PARD3B: variants seen among roughly 807,000 people sequenced by gnomAD.
PARD3B encodes the protein partitioning defective 3 homolog B.
A neutral mutation model predicts 130.2 loss-of-function variants in PARD3B; 103 were observed. The ratio of observed to expected loss-of-function variants is 0.79; its 90% CI spans 0.67 to 0.93. The LOEUF is 0.93. Ranked by LOEUF, PARD3B falls within the 40% of genes least tolerant of loss-of-function variation. PARD3B has a pLI of 0.00. For synonymous variants in PARD3B, 583 were observed against 553.2 expected, an observed-to-expected ratio of 1.05 and a Z score of -0.76; for missense variants, 1,609 against 1,499.2, an observed-to-expected ratio of 1.07 and a Z score of -1.21.
intron 1 of PARD3B, among the ~76,000 whole-genome samples, chr2:204,641,019 T>C (rs1369037495): frequency 1.4e-5 from 2 of 148,020 alleles, no homozygotes; most frequent in Non-Finnish European, 3.0e-5. Flanking sequence ...TGAAAGTATG[T>C]ATATATTTAC....
chr2:205,253,389 A>G lies in PARD3B; in HGVS notation c.2185+7567A>G, dbSNP rs1306681420. The G allele has an allele frequency of 3.5e-6, 2 of 568,078 alleles. No homozygotes were observed. Among genetic ancestry groups the G allele is most frequent in the Non-Finnish European group, 7.1e-6 (2 of 282,248 alleles). 35.2% of individuals were successfully genotyped at this position (568,078 alleles called of 1,614,324 possible). A position where few individuals can be genotyped will look rare whatever the true frequency, so the allele number is the denominator to read the frequency against. ...ACTGTGGGTCAGTGCTGACACACCC[A>G]TGGCCATACGTTTGGTCTTCTTGGC... On this transcript the variant is annotated intron_variant, in intron 16 of 22. Transcript: ENST00000406610. This position sits in a 1 kb window ranked among gnomAD's most constrained non-coding sequence, Gnocchi z 4.4.
rs993852320 is a variant in PARD3B, at chr2:205,617,162, A to G, written c.*1349A>G. On this transcript the variant is annotated 3_prime_UTR_variant, in exon 23 of 23. Transcript: ENST00000406610. Reference sequence around the variant, plus strand: ...TGAAACCCCAACCTCTAAGTAGATCACAATGTTTTCTGAGCTTTGCAGTAA... The same window carrying G: ...TGAAACCCCAACCTCTAAGTAGATCGCAATGTTTTCTGAGCTTTGCAGTAA... The G allele has an allele frequency of 2.6e-5, 4 of 154,402 alleles. No individual in the cohort carries two copies. Among genetic ancestry groups the G allele is most frequent in the African/African-American group, 9.6e-5 (4 of 41,536 alleles). 9.6% of individuals were successfully genotyped at this position (154,402 alleles called of 1,614,324 possible).
At chr2:205,313,753 T>C (rs1008452429) in intron 18 of PARD3B, among the ~76,000 whole-genome samples, 6 of 152,180 alleles carry the variant, frequency 3.9e-5, no homozygotes, top group Non-Finnish European at 8.8e-5. Context: ...AGGTTTAGAT[T>C]TGTTAACAGA....
chr2:204,579,534 C>T (rs571757801), intron 1 of PARD3B, among the ~76,000 whole-genome samples: 3 of 152,218 alleles, frequency 2.0e-5, no homozygotes, highest in Admixed American at 6.5e-5. Flanking sequence ...TACTCAGTCT[C>T]GTAGGAATTC....
At position 205,146,725 on chromosome 2, in the gene PARD3B, ATTTT is replaced by A. The variant is rs2033390408; in HGVS notation, c.1435-11994_1435-11991del. 6.6e-6 allele frequency among the ~76,000 whole-genome samples: 1 copy of A among 151,442 alleles called. No homozygotes were observed. The highest frequency in any genetic ancestry group is 2.4e-5 in the African/African-American group (1 of 41,214). On this transcript the variant is annotated intron_variant, in intron 10 of 22. Transcript: ENST00000406610. This position sits in a 1 kb window ranked among gnomAD's most constrained non-coding sequence, Gnocchi z 4.3. ...ATATAAAAGGACACATTCTTTTTTTATTTTTTGTTTTTTTGTTTTTAAGATGGAG... is the reference window on the plus strand; with the variant it reads ...ATATAAAAGGACACATTCTTTTTTTATTGTTTTTTTGTTTTTAAGATGGAG...
At chr2:205,582,588 T>C (rs185901993) in intron 22 of PARD3B, among the ~76,000 whole-genome samples, 1 of 152,132 alleles carries the variant, frequency 6.6e-6, no homozygotes, top group Non-Finnish European at 1.5e-5. Context: ...TTCTCTAGAC[T>C]AGATTATTGC....
At chr2:205,433,894 C>T (rs556365719) in intron 19 of PARD3B, among the ~76,000 whole-genome samples, 1 of 152,282 alleles carries the variant, frequency 6.6e-6, no homozygotes, top group Non-Finnish European at 1.5e-5. Flanking sequence ...GTTTGATTAT[C>T]CATTCTCCTG....
intron 4 of PARD3B, among the ~76,000 whole-genome samples, chr2:205,102,593 T>A (rs1702859134): frequency 6.6e-6 from 1 of 152,156 alleles, no homozygotes; most frequent in Non-Finnish European, 1.5e-5. Flanking sequence ...AAATTCTTTC[T>A]TATCTACATG....
At chr2:205,141,402 G>A (rs975830780) in intron 10 of PARD3B, among the ~76,000 whole-genome samples, 17 of 152,176 alleles carry the variant, frequency 1.1e-4, no homozygotes, top group Admixed American at 8.5e-4. Flanking sequence ...CAATTGTTTA[G>A]ATGTTGATGT....
At chr2:205,331,265 CCACACACA>C (rs56170026) in intron 18 of PARD3B, among the ~76,000 whole-genome samples, 3 of 148,616 alleles carry the variant, frequency 2.0e-5, no homozygotes, top group African/African-American at 5.0e-5. Context: ...CACATATATT[CCACACACA>C]CACACACACA....
chr2:204,834,308 A>G (rs774427353), intron 2 of PARD3B, among the ~76,000 whole-genome samples: 4 of 152,352 alleles, frequency 2.6e-5, no homozygotes, highest in Non-Finnish European at 5.9e-5. Flanking sequence ...CACAGAATAC[A>G]GACTCAATAC....
chr2:204,667,441 A>G (rs1165232939), intron 1 of PARD3B, among the ~76,000 whole-genome samples: 1 of 152,066 alleles, frequency 6.6e-6, no homozygotes, highest in Non-Finnish European at 1.5e-5. Context: ...ACCAATGTGT[A>G]TGTCCTAGGT....
At chr2:204,782,525 C>T (rs535009249) in intron 2 of PARD3B, among the ~76,000 whole-genome samples, 41 of 149,018 alleles carry the variant, frequency 2.8e-4, no homozygotes, top group Admixed American at 4.0e-4. Context: ...TGTATGTAAT[C>T]GGTATGTTAT....
At chr2:204,681,085 A>G (rs1346740473) in intron 1 of PARD3B, among the ~76,000 whole-genome samples, 1 of 152,168 alleles carries the variant, frequency 6.6e-6, no homozygotes, top group Non-Finnish European at 1.5e-5. Flanking sequence ...TTGACAGTAT[A>G]TGTATTAAAG....
At chr2:205,254,703 G>T (rs549075233) in intron 16 of PARD3B, among the ~76,000 whole-genome samples, 1 of 148,326 alleles carries the variant, frequency 6.7e-6, no homozygotes, top group African/African-American at 2.5e-5. Flanking sequence ...TCGCTCTGTC[G>T]CCCAGACTGG....
At chr2:204,981,404 C>A (rs564815452) in intron 3 of PARD3B, among the ~76,000 whole-genome samples, 1 of 152,102 alleles carries the variant, frequency 6.6e-6, no homozygotes. Flanking sequence ...ATTACAATAG[C>A]AATAGCAAGA....
chr2:204,711,819 A>G (rs1489217584), intron 2 of PARD3B, among the ~76,000 whole-genome samples: 1 of 152,154 alleles, frequency 6.6e-6, no homozygotes, highest in Non-Finnish European at 1.5e-5. Flanking sequence ...AAGTGCTGGG[A>G]TTACAGACGT....
chr2:205,508,401 TTC>T (rs1438500262), intron 21 of PARD3B, among the ~76,000 whole-genome samples: 2 of 152,042 alleles, frequency 1.3e-5, no homozygotes, highest in Non-Finnish European at 2.9e-5. Context: ...AGTCAAACCT[TTC>T]TCTATGAAAA....
Position 204,664,878 on chromosome 2 carries a change from T to C in PARD3B, c.121-21303T>C, listed in dbSNP as rs116451777. 0.014 allele frequency among the ~76,000 whole-genome samples: 2,074 copies of C among 152,318 alleles called. 44 individuals are homozygous for C. Among genetic ancestry groups the C allele is most frequent in the African/African-American group, 0.048 (1,975 of 41,566 alleles). On this transcript the variant is annotated intron_variant, in intron 1 of 22. Coordinates refer to ENST00000406610, the MANE Select transcript of PARD3B (RefSeq NM_001302769.2). The surrounding 1 kb of genome is among the most constrained non-coding windows in gnomAD (Gnocchi z 5.2). ...CTTCTCACTCTCTCCTTTTCTTTCA[T>C]CTCATTCTTTACCATGTTTGTTGGG...
Sources: gnomAD v4.1 joint callset for allele counts (sites outside exome capture counted in the v4.1 genomes callset) on GRCh38, gnomAD v4.1.1 for gene constraint, Gnocchi (gnomAD v3.1) non-coding constraint, MANE v1.5 for transcripts, NCBI Gene and HGNC (gene_info 2026-07-23, HGNC 2026-07-21) for gene names.